Variants in KIAA1958 observed in about 807,000 individuals in gnomAD.
The protein encoded by KIAA1958 is KIAA1958, also known as uncharacterized protein KIAA1958.
KIAA1958 carries 14 observed loss-of-function variants against 47.2 expected under a neutral mutation model. The observed-to-expected ratio is 0.30, with a 90% CI of 0.20 to 0.46. The LOEUF is 0.46. Ranked by LOEUF, KIAA1958 falls within the 20% of genes least tolerant of loss-of-function variation. KIAA1958 has a pLI of 1.00. For synonymous variants in KIAA1958, 354 were observed against 353.3 expected, an observed-to-expected ratio of 1.00 and a Z score of -0.02; for missense variants, 803 against 909.2, an observed-to-expected ratio of 0.88 and a Z score of 1.50.
chr9:112,551,519 A>G (rs1007718245), intron 1 of KIAA1958, among the ~76,000 whole-genome samples: 2 of 152,246 alleles, frequency 1.3e-5, no homozygotes, highest in African/African-American at 4.8e-5. Flanking sequence ...GGTAAAAAGT[A>G]TTTTTTAAAA....
In KIAA1958 at chr9:112,659,585, T is replaced by A; in HGVS notation, c.1667T>A (p.Leu556Gln). 6.2e-7 allele frequency: 1 copy of A among 1,613,554 alleles called. No homozygotes were observed. Among genetic ancestry groups the A allele is most frequent in the South Asian group, 1.1e-5 (1 of 90,940 alleles). The change falls in exon 4 of 4, where the codon CTG becomes CAG. Residue 556 changes from leucine to glutamine, a missense_variant. Leu to Gln is a moderately radical substitution (Grantham distance 113). Transcript: ENST00000337530. The stretch of plus-strand genomic sequence containing the variant: ...GGGGATGACAGCCCTATCACTCTCC[T>A]GTCCACTGTGGTCAAGTACAACAGC... ...CLGDDSPITL[L>Q]STVVKYNSQY...
chr9:112,619,132 C>T (rs1164551275), intron 2 of KIAA1958: 2 of 300,374 alleles, frequency 6.7e-6, no homozygotes, highest in Non-Finnish European at 1.0e-5. Context: ...TACTTGTGGG[C>T]GATCAAATGT....
intron 1 of KIAA1958, among the ~76,000 whole-genome samples, chr9:112,497,935 A>G (rs1834071745): frequency 6.6e-6 from 1 of 152,130 alleles, no homozygotes; most frequent in South Asian, 2.1e-4. Flanking sequence ...TTGTTATGTT[A>G]GAAGACTTAT....
At chr9:112,539,742 G>A (rs1275398659) in intron 1 of KIAA1958, among the ~76,000 whole-genome samples, 1 of 152,156 alleles carries the variant, frequency 6.6e-6, no homozygotes, top group Non-Finnish European at 1.5e-5. Context: ...CGAGGCTGGA[G>A]TGCAGTGGCA....
chr9:112,554,573 T>TATCC (rs1179499132), intron 1 of KIAA1958, among the ~76,000 whole-genome samples: 1 of 152,158 alleles, frequency 6.6e-6, no homozygotes, highest in Non-Finnish European at 1.5e-5. Context: ...AATTATAATA[T>TATCC]ATCCATCATT....
chr9:112,561,345 C>T (rs1188517075), intron 1 of KIAA1958, among the ~76,000 whole-genome samples: 1 of 152,112 alleles, frequency 6.6e-6, no homozygotes, highest in Non-Finnish European at 1.5e-5. Flanking sequence ...TGAGCCACCC[C>T]ACCTGGCCTG....
At chr9:112,536,900 A>G (rs1386833660) in intron 1 of KIAA1958, among the ~76,000 whole-genome samples, 2 of 152,226 alleles carry the variant, frequency 1.3e-5, no homozygotes, top group African/African-American at 4.8e-5. Context: ...AGAAGCTAAC[A>G]TGCCTACCTT....
chr9:112,630,530 C>T (rs188202393), intron 2 of KIAA1958, among the ~76,000 whole-genome samples: 21 of 152,048 alleles, frequency 1.4e-4, no homozygotes, highest in Middle Eastern at 3.4e-3. Flanking sequence ...AAGGAGATAC[C>T]GTGTTCTAAA....
intron 2 of KIAA1958, among the ~76,000 whole-genome samples, chr9:112,610,542 T>C (rs1836309627): frequency 6.6e-6 from 1 of 152,030 alleles, no homozygotes; most frequent in Non-Finnish European, 1.5e-5. Context: ...AAATTGAAAT[T>C]ATCATAAGAC....
At chr9:112,488,327 G>A (rs776769417) in intron 1 of KIAA1958, among the ~76,000 whole-genome samples, 1 of 152,144 alleles carries the variant, frequency 6.6e-6, no homozygotes, top group South Asian at 2.1e-4. Flanking sequence ...GTAGGGTGAT[G>A]TTTCTGAATT....
intron 3 of KIAA1958, among the ~76,000 whole-genome samples, chr9:112,649,278 C>T (rs1468486146): frequency 6.6e-6 from 1 of 152,010 alleles, no homozygotes. Context: ...CCACCTCAGC[C>T]TCCTGAGTAG....
At chr9:112,501,031 G>A (rs1834128030) in intron 1 of KIAA1958, among the ~76,000 whole-genome samples, 1 of 151,792 alleles carries the variant, frequency 6.6e-6, no homozygotes, top group Non-Finnish European at 1.5e-5. Context: ...GGCTGAAGTG[G>A]GAGGATCTCT....
At chr9:112,501,569 G>T (rs887643772) in intron 1 of KIAA1958, among the ~76,000 whole-genome samples, 3 of 152,146 alleles carry the variant, frequency 2.0e-5, no homozygotes, top group Admixed American at 6.5e-5. Flanking sequence ...GGTCTTAGAA[G>T]AAAATCTTCC....
At chr9:112,527,980 G>A (rs1834688805) in intron 1 of KIAA1958, among the ~76,000 whole-genome samples, 1 of 151,304 alleles carries the variant, frequency 6.6e-6, no homozygotes, top group African/African-American at 2.4e-5. Context: ...AAAAGGCCTG[G>A]CCATTCAATA....
intron 2 of KIAA1958, 75 bp from the exon 3 acceptor site, chr9:112,645,575 T>A (rs1190817709): frequency 1.0e-6 from 1 of 995,806 alleles, no homozygotes; most frequent in Non-Finnish European, 1.5e-6. Flanking sequence ...TTCTGTTATT[T>A]ATCATCCCAA....
At chr9:112,540,967 A>G (rs1456857783) in intron 1 of KIAA1958, among the ~76,000 whole-genome samples, 1 of 151,700 alleles carries the variant, frequency 6.6e-6, no homozygotes, top group African/African-American at 2.4e-5. Flanking sequence ...CGGTTGGCCC[A>G]CCCCCACCTC....
At chr9:112,580,801 C>G (rs1454268164) in intron 2 of KIAA1958, among the ~76,000 whole-genome samples, 1 of 150,606 alleles carries the variant, frequency 6.6e-6, no homozygotes, top group Non-Finnish European at 1.5e-5. Flanking sequence ...AAAAAAAACA[C>G]AAAGAAAGAA....
At chr9:112,554,876 C>T (rs1366846138) in intron 1 of KIAA1958, among the ~76,000 whole-genome samples, 1 of 152,070 alleles carries the variant, frequency 6.6e-6, no homozygotes, top group East Asian at 1.9e-4. Context: ...TGCATTGGCT[C>T]CTAGTCAGCT....
intron 1 of KIAA1958, among the ~76,000 whole-genome samples, chr9:112,567,018 G>A (rs1835437903): frequency 6.6e-6 from 1 of 152,100 alleles, no homozygotes; most frequent in South Asian, 2.1e-4. Flanking sequence ...AAAACATTAT[G>A]ACATAGAATT....
Sources: allele counts gnomAD v4.1 joint callset (sites outside exome capture counted in the v4.1 genomes callset), GRCh38; gene constraint gnomAD v4.1.1; transcripts MANE v1.5; gene names NCBI Gene and HGNC (gene_info 2026-07-23, HGNC 2026-07-21).